Variants in DPP6 observed in about 807,000 individuals in gnomAD.
The protein encoded by DPP6 is A-type potassium channel modulatory protein DPP6.
In DPP6, 69 loss-of-function variants were observed where a neutral mutation model predicts 122.6. The observed-to-expected ratio is 0.56, with a 90% CI of 0.46 to 0.69. The LOEUF is 0.69. Among genes scored for constraint, DPP6 ranks in the 30% least tolerant of loss-of-function variants. DPP6 has a pLI of 0.00. For missense variants in DPP6, 928 were observed against 1,116.9 expected (o/e 0.83, Z 2.41); for synonymous variants, 418 against 433.1 (o/e 0.97, Z 0.43).
chr7:154,794,797 C>T (rs1797919171), intron 11 of DPP6, among the ~76,000 whole-genome samples: 1 of 152,258 alleles, frequency 6.6e-6, no homozygotes. Flanking sequence ...CGGCCTCACC[C>T]TCGCCCCATG....
chr7:154,502,634 A>G (rs541612839), intron 3 of DPP6, among the ~76,000 whole-genome samples: 1 of 152,274 alleles, frequency 6.6e-6, no homozygotes, highest in Admixed American at 6.5e-5. Context: ...TGTAAGTCCA[A>G]TAAACCACCT....
In DPP6 at chr7:154,052,643, G is replaced by C. The variant is rs1459979074; in HGVS notation, c.-178G>C. 5.9e-5 allele frequency: 74 copies of C among 1,261,364 alleles called. No homozygotes were observed. Among genetic ancestry groups the C allele is most frequent in the Non-Finnish European group, 6.8e-5 (68 of 992,730 alleles). 78.1% of individuals were successfully genotyped at this position (1,261,364 alleles called of 1,614,324 possible). ...CAGGCAGAGTCGCCAGCGGAGACTC[G>C]CGAGTGGCGCGCGGGAGGAGCGGCC... On this transcript the variant is annotated 5_prime_UTR_variant, in exon 1 of 26. Transcript: ENST00000377770. The surrounding 1 kb of genome is among the most constrained non-coding windows in gnomAD (Gnocchi z 4.8).
chr7:154,372,300 C>A (rs1812742743), intron 1 of DPP6, among the ~76,000 whole-genome samples: 1 of 152,050 alleles, frequency 6.6e-6, no homozygotes, highest in African/African-American at 2.4e-5. Context: ...TTGAGAGGAA[C>A]CTAGGATGCC....
At chr7:153,772,057 ACAGCATACAT>A in the DPP6 span, among the ~76,000 whole-genome samples, 2 of 152,226 alleles carry the variant, frequency 1.3e-5, no homozygotes, top group Middle Eastern at 3.4e-3. Context: ...TTCCTCCTTC[ACAGCATACAT>A]TGTTGTGATC....
chr7:154,300,299 T>A lies in DPP6; in HGVS notation c.244-145915T>A, dbSNP rs540313650. ...TGGTGCAGTCTTTGCTAAGTGTGTTTATCGGCCACCACGAGAGTACTTAGC... is the reference window on the plus strand; with the variant it reads ...TGGTGCAGTCTTTGCTAAGTGTGTTAATCGGCCACCACGAGAGTACTTAGC... On this transcript the variant is annotated intron_variant, in intron 1 of 25. Transcript: ENST00000377770. Among the ~76,000 whole-genome samples, 5 of 152,312 alleles carry A rather than the reference T, an allele frequency of 3.3e-5. No homozygotes were observed. The South Asian group carries it at 1.0e-3, about 32-fold the overall frequency.
At chr7:154,357,863 A>G (rs969644182) in intron 1 of DPP6, among the ~76,000 whole-genome samples, 2 of 151,570 alleles carry the variant, frequency 1.3e-5, no homozygotes, top group African/African-American at 4.9e-5. Context: ...AATCACCTGA[A>G]CCCGGGAGGC....
intron 2 of DPP6, among the ~76,000 whole-genome samples, chr7:154,450,936 T>A (rs1184629956): frequency 6.6e-6 from 1 of 152,138 alleles, no homozygotes; most frequent in African/African-American, 2.4e-5. Context: ...GCAGATTCGA[T>A]CTTGTGGTTG....
At chr7:154,679,831 G>C (rs537182185) in intron 7 of DPP6, among the ~76,000 whole-genome samples, 1 of 152,166 alleles carries the variant, frequency 6.6e-6, no homozygotes, top group Admixed American at 6.5e-5. Flanking sequence ...ATGGCCTTCT[G>C]TACCCTCAGA....
At chr7:154,783,851 C>T (rs150511054) in intron 10 of DPP6, among the ~76,000 whole-genome samples, 1 of 152,210 alleles carries the variant, frequency 6.6e-6, no homozygotes, top group Non-Finnish European at 1.5e-5. Flanking sequence ...AGGCCTGGAC[C>T]TTGTGAGGGA....
At chr7:153,812,154 G>A in the DPP6 span, among the ~76,000 whole-genome samples, 191 of 152,174 alleles carry the variant, frequency 1.3e-3, no homozygotes, top group African/African-American at 4.4e-3. Flanking sequence ...AAAGAGCAAC[G>A]GTGATATTGC....
At chr7:154,419,800 C>T (rs1339568036) in intron 1 of DPP6, among the ~76,000 whole-genome samples, 1 of 152,132 alleles carries the variant, frequency 6.6e-6, no homozygotes, top group Non-Finnish European at 1.5e-5. Context: ...TTTCTCATAA[C>T]AGCAGCACCG....
chr7:153,911,855 G>A lies in DPP6; in HGVS notation c.51+24121G>A, dbSNP rs187080053. Among the ~76,000 whole-genome samples the A allele has an allele frequency of 1.3e-3, 204 of 151,962 alleles. 1 individual carries two copies. The highest frequency in any genetic ancestry group is 6.8e-3 in the Middle Eastern group (2 of 294). On this transcript the variant is annotated intron_variant, in intron 1 of 25. Transcript: ENST00000404039. Reference sequence around the variant, plus strand: ...TCCTGTTACATCTTTTTCTTTTTGCGGAAGGCACCAGTTTAGCATAGTTTG... The same window carrying A: ...TCCTGTTACATCTTTTTCTTTTTGCAGAAGGCACCAGTTTAGCATAGTTTG...
intron 1 of DPP6, among the ~76,000 whole-genome samples, chr7:154,132,450 T>A (rs1307317510): frequency 1.3e-5 from 2 of 152,038 alleles, no homozygotes; most frequent in Non-Finnish European, 2.9e-5. Context: ...CCAATGCCCT[T>A]CTTACCCCTT....
intron 1 of DPP6, among the ~76,000 whole-genome samples, chr7:154,070,348 G>A (rs1197282935): frequency 6.6e-6 from 1 of 151,512 alleles, no homozygotes; most frequent in African/African-American, 2.4e-5. Context: ...CTTAAGCCTC[G>A]GTTTGATTTT....
At chr7:154,587,786 A>C in intron 5 of DPP6, 1 of 1,611,090 alleles carries the variant, frequency 6.2e-7, no homozygotes, top group South Asian at 1.1e-5. Flanking sequence ...CTTCCTCTTC[A>C]CTGCCTGCGT....
intron 2 of DPP6, among the ~76,000 whole-genome samples, chr7:154,473,373 A>G (rs529018639): frequency 2.8e-4 from 42 of 152,320 alleles, no homozygotes; most frequent in Admixed American, 2.2e-3. Flanking sequence ...AGCGCCCGGG[A>G]TAGCTCCATA....
chr7:154,504,878 G>A (rs947478827), intron 3 of DPP6, among the ~76,000 whole-genome samples: 1 of 150,916 alleles, frequency 6.6e-6, no homozygotes, highest in African/African-American at 2.4e-5. Context: ...CCTCAATCAT[G>A]CATTACCTAA....
rs1218803681 is a variant in DPP6, at chr7:154,755,888, A to C, written c.884-13529A>C. Among the ~76,000 whole-genome samples the C allele has an allele frequency of 2.6e-5, 4 of 152,108 alleles. No individual in the cohort carries two copies. The highest frequency in any genetic ancestry group is 5.9e-5 in the Non-Finnish European group (4 of 68,018). On this transcript the variant is annotated intron_variant, in intron 8 of 25. Coordinates refer to ENST00000377770, the MANE Select transcript of DPP6 (RefSeq NM_130797.4). The surrounding 1 kb of genome is among the most constrained non-coding windows in gnomAD (Gnocchi z 4.7). ...CGTGTGTCTTGGGTCCCCCTTCGTA[A>C]TGATACTGTCCTCACCACGTCTTTT...
intron 5 of DPP6, among the ~76,000 whole-genome samples, chr7:154,583,275 G>A (rs1056680868): frequency 2.0e-5 from 3 of 152,216 alleles, no homozygotes; most frequent in Non-Finnish European, 2.9e-5. Flanking sequence ...GTCGGTTTCT[G>A]GTGACGGCTC....
Sources: allele counts gnomAD v4.1 joint callset (sites outside exome capture counted in the v4.1 genomes callset), GRCh38; gene constraint gnomAD v4.1.1; non-coding constraint Gnocchi (gnomAD v3.1); transcripts MANE v1.5; gene names NCBI Gene and HGNC (gene_info 2026-07-23, HGNC 2026-07-21).